CCNH: variants seen among roughly 807,000 people sequenced by gnomAD.
The protein encoded by CCNH is cyclin H.
A neutral mutation model predicts 41.9 loss-of-function variants in CCNH; 31 were observed. The ratio of observed to expected loss-of-function variants is 0.74; its 90% CI spans 0.56 to 1.00. CCNH has a LOEUF of 1.00. CCNH is among the 50% of genes least tolerant of loss of function. The pLI, the probability that CCNH is intolerant of heterozygous loss-of-function variation, is 0.00. For missense variants in CCNH, 362 were observed against 388.4 expected (o/e 0.93, Z 0.57); for synonymous variants, 138 against 136.1 (o/e 1.01, Z -0.10).
chr5:87,371,818 GTTTC>G (rs1760964682), downstream of CCNH, among the ~76,000 whole-genome samples: 1 of 152,072 alleles, frequency 6.6e-6, no homozygotes, highest in Non-Finnish European at 1.5e-5. Context: ...GGGAGAAATA[GTTTC>G]TTTAATGTAA....
At chr5:87,370,630 AG>A (rs1262837843) in intron 9 of CCNH, among the ~76,000 whole-genome samples, 5 of 152,284 alleles carry the variant, frequency 3.3e-5, no homozygotes, top group Admixed American at 3.3e-4. Flanking sequence ...ACTGTAAGCC[AG>A]CCTAGGCAAC....
chr5:87,383,668 A>C, intron 9 of CCNH: 2 of 1,379,826 alleles, frequency 1.4e-6, no homozygotes, highest in Non-Finnish European at 2.0e-6. Flanking sequence ...CACATTATAT[A>C]GGTGTTTTCT....
At chr5:87,396,843 A>G (rs941135092) in intron 7 of CCNH, among the ~76,000 whole-genome samples, 8 of 152,182 alleles carry the variant, frequency 5.3e-5, no homozygotes, top group Non-Finnish European at 7.3e-5. Context: ...AAAGAAGAAA[A>G]AAACGCTGCT....
intron 9 of CCNH, among the ~76,000 whole-genome samples, chr5:87,366,663 T>C (rs902405337): frequency 6.6e-6 from 1 of 152,244 alleles, no homozygotes; most frequent in African/African-American, 2.4e-5. Context: ...TATTTAATGA[T>C]ACCAGGTCTG....
At chr5:87,352,592 A>G (rs1448573909) in intron 9 of CCNH, among the ~76,000 whole-genome samples, 1 of 151,704 alleles carries the variant, frequency 6.6e-6, no homozygotes, top group African/African-American at 2.4e-5. Context: ...AATTTGTAGC[A>G]CTTTTAATCA....
At chr5:87,331,080 G>T in intron 9 of CCNH, 1 of 984,696 alleles carries the variant, frequency 1.0e-6, no homozygotes. Context: ...GGCAATCCTG[G>T]AAGTAGGGAG....
intron 9 of CCNH, chr5:87,362,568 C>T (rs780071686): frequency 6.3e-7 from 1 of 1,592,900 alleles, no homozygotes; most frequent in East Asian, 2.2e-5. Flanking sequence ...AACAAGTACT[C>T]AATGACACAG....
At chr5:87,403,380 C>T (rs571398603) in intron 5 of CCNH, among the ~76,000 whole-genome samples, 1 of 152,228 alleles carries the variant, frequency 6.6e-6, no homozygotes, top group African/African-American at 2.4e-5. Context: ...TTCATTTGGA[C>T]CTTCACTGAA....
intron 9 of CCNH, among the ~76,000 whole-genome samples, chr5:87,351,074 T>C (rs538495363): frequency 6.6e-6 from 1 of 151,626 alleles, no homozygotes; most frequent in South Asian, 2.1e-4. Context: ...TGCTGTCCCA[T>C]CTCCCCATTA....
intron 9 of CCNH, among the ~76,000 whole-genome samples, chr5:87,328,018 A>G (rs1172313414): frequency 3.3e-5 from 5 of 152,082 alleles, no homozygotes; most frequent in Non-Finnish European, 7.4e-5. Context: ...TAAAAAAGAA[A>G]AGTTTTTGTT....
chr5:87,398,928 G>A (rs1032338168), intron 7 of CCNH, among the ~76,000 whole-genome samples: 2 of 151,370 alleles, frequency 1.3e-5, no homozygotes, highest in Middle Eastern at 3.4e-3. Context: ...AGCTGAGATC[G>A]CGCCACTGCA....
chr5:87,330,003 G>A (rs1757495228), intron 9 of CCNH, among the ~76,000 whole-genome samples: 1 of 152,046 alleles, frequency 6.6e-6, no homozygotes, highest in Non-Finnish European at 1.5e-5. Context: ...ACTAAGATTA[G>A]GATTTTAGAG....
At chr5:87,363,226 C>A in intron 9 of CCNH, 1 of 879,982 alleles carries the variant, frequency 1.1e-6, no homozygotes, top group Non-Finnish European at 1.7e-6. Context: ...TAAGAATTGG[C>A]ATATTACATA....
chr5:87,377,179 A>T (rs1044200634), exon 1 of CCNH: 6 of 1,155,392 alleles, frequency 5.2e-6, no homozygotes, highest in African/African-American at 1.5e-5. Flanking sequence ...CTCCTTAAAA[A>T]TTGCAGTTGG....
At chr5:87,312,322 G>C in the CCNH span, among the ~76,000 whole-genome samples, 2 of 152,198 alleles carry the variant, frequency 1.3e-5, no homozygotes, top group African/African-American at 4.8e-5. Context: ...AAGTTAGATA[G>C]TAAACATTTG....
intron 9 of CCNH, among the ~76,000 whole-genome samples, chr5:87,348,805 G>A (rs941453042): frequency 6.6e-6 from 1 of 151,880 alleles, no homozygotes; most frequent in Non-Finnish European, 1.5e-5. Flanking sequence ...ATTAAGCACA[G>A]AGTATTCTTA....
rs906263241 is a variant in CCNH at position 87,343,656 on chromosome 5, C to A, written c.*91-24759G>T. Among the ~76,000 whole-genome samples the A allele has an allele frequency of 7.9e-5, 12 of 152,186 alleles. No individual in the cohort carries two copies. In the Middle Eastern group the frequency reaches 0.014, roughly 173 times the overall value. ...TGAGTGCAGTTACTATAGAGCACAG[C>A]ATGGAAGTTCTTCAAAAAATTAAAA... is the stretch of plus-strand genomic sequence containing the variant. On this transcript the variant is annotated intron_variant and NMD_transcript_variant, in intron 9 of 9. Coordinates refer to the CCNH transcript ENST00000645953.
intron 9 of CCNH, among the ~76,000 whole-genome samples, chr5:87,359,992 T>C (rs1173070933): frequency 2.0e-5 from 3 of 152,186 alleles, no homozygotes; most frequent in Non-Finnish European, 4.4e-5. Context: ...AATCAGATAC[T>C]TGTCTAATAA....
intron 9 of CCNH, among the ~76,000 whole-genome samples, chr5:87,354,634 A>G (rs1031423712): frequency 6.6e-6 from 1 of 152,148 alleles, no homozygotes; most frequent in Non-Finnish European, 1.5e-5. Context: ...AGTGGCCTCT[A>G]AATGGTCAAG....
Sources: gnomAD v4.1 joint callset for allele counts (sites outside exome capture counted in the v4.1 genomes callset) on GRCh38, gnomAD v4.1.1 for gene constraint, MANE v1.5 for transcripts, NCBI Gene and HGNC (gene_info 2026-07-23, HGNC 2026-07-21) for gene names.